The following ACSL6 variants were observed in gnomAD, a reference collection of about 807,000 sequenced individuals.
The protein encoded by ACSL6 is acyl-CoA synthetase long chain family member 6, also known as long-chain-fatty-acid--CoA ligase 6.
A neutral mutation model predicts 98.2 loss-of-function variants in ACSL6; 47 were observed. That is an observed-to-expected ratio of 0.48 (90% confidence interval 0.38 to 0.61). The LOEUF (loss-of-function observed/expected upper bound fraction) is 0.61. Ranked by LOEUF, ACSL6 falls within the 20% of genes least tolerant of loss-of-function variation. ACSL6 has a pLI of 0.00. For missense variants in ACSL6, 761 were observed against 913.4 expected, an observed-to-expected ratio of 0.83 and a Z score of 2.15; for synonymous variants, 362 against 336.9, an observed-to-expected ratio of 1.07 and a Z score of -0.82.
chr5:131,959,296 G>T (rs565257395), intron 20 of ACSL6, among the ~76,000 whole-genome samples: 8 of 152,342 alleles, frequency 5.3e-5, no homozygotes, highest in South Asian at 4.1e-4. Flanking sequence ...GACAGCTAGG[G>T]TATTATTTCA....
At chr5:131,975,342 G>A (rs931443948) in intron 10 of ACSL6, 20 of 985,306 alleles carry the variant, frequency 2.0e-5, no homozygotes, top group Non-Finnish European at 2.4e-5. Context: ...CCCCTCACTT[G>A]CAGTCAGTCG....
intron 9 of ACSL6, among the ~76,000 whole-genome samples, chr5:131,978,032 G>A (rs1753709724): frequency 6.6e-6 from 1 of 152,224 alleles, no homozygotes; most frequent in Non-Finnish European, 1.5e-5. Flanking sequence ...GTGCCTGATT[G>A]TGCTCCCTGC....
Position 132,005,647 on chromosome 5 carries a change from T to A in ACSL6, c.49+5858A>T, listed in dbSNP as rs527991856. On this transcript the variant is annotated intron_variant, in intron 1 of 20. Coordinates refer to ENST00000651883, the MANE Select transcript of ACSL6 (RefSeq NM_001009185.3). ...GATCTGCAGTCAGTATCTAGAATGG[T>A]CTGCAGCAAAGCTAAGGCTGGGACA... Among the ~76,000 whole-genome samples the A allele has an allele frequency of 3.3e-4, 51 of 152,342 alleles. No homozygotes were observed. In the South Asian group the frequency reaches 9.5e-3, roughly 28 times the overall value.
At chr5:131,961,110 G>A (rs1050903749) in intron 18 of ACSL6, among the ~76,000 whole-genome samples, 8 of 151,944 alleles carry the variant, frequency 5.3e-5, no homozygotes, top group Admixed American at 6.6e-5. Flanking sequence ...CTGCAGCCTC[G>A]ACCTCCTGAG....
chr5:131,988,942 G>A (rs1754353023), intron 5 of ACSL6, 38 bp from the exon 6 acceptor site: 2 of 1,577,956 alleles, frequency 1.3e-6, no homozygotes, highest in African/African-American at 1.3e-5. Context: ...GGAAGAAGGG[G>A]AGATTAGAGG....
Position 131,989,503 on chromosome 5 carries a change from G to A in ACSL6, c.456C>T (p.Ala152=), listed in dbSNP as rs143653785. 311 of 1,612,452 alleles carry A rather than the reference G, an allele frequency of 1.9e-4. No individual in the cohort carries two copies. In the African/African-American group the frequency reaches 3.1e-3, roughly 16 times the overall value. The change falls in exon 5 of 21, where the codon GCC becomes GCT. Residue 152 remains alanine (A), a synonymous_variant. Coordinates refer to ENST00000651883, the MANE Select transcript of ACSL6 (RefSeq NM_001009185.3). ...PYQWLSYQEV[A]DRAEFLGSGL... ...CGGACCCCAGAAATTCAGCCCTGTC[G>A]GCCACCTGCACACAGATGTGGGGAA...
In ACSL6 at chr5:131,967,956, C is replaced by T; in HGVS notation, c.1580G>A (p.Cys527Tyr). 1 of 1,613,884 alleles carries T rather than the reference C, an allele frequency of 6.2e-7. No homozygotes were observed. Among genetic ancestry groups the T allele is most frequent in the Non-Finnish European group, 8.5e-7 (1 of 1,179,826 alleles). The change falls in exon 16 of 21, where the codon TGC becomes TAC. Residue 527 changes from cysteine (C) to tyrosine (Y), a missense_variant. Cys to Tyr is a radical substitution (Grantham distance 194, BLOSUM62 -2). Transcript: ENST00000651883. ...VDVEELNYWA[C>Y]KGEGEICVRG... ...CTTGTTTACCTCTCCCTCTCCTTTG[C>T]AGGCCCAGTAGTTCAGTTCCTCAAC...
At chr5:132,011,742 G>A, upstream of ACSL6, 1 of 1,299,520 alleles carries the variant, frequency 7.7e-7, no homozygotes, top group Non-Finnish European at 9.8e-7. This position sits in a 1 kb window ranked among gnomAD's most constrained non-coding sequence, Gnocchi z 5.4. Flanking sequence ...GGGGGAGGGC[G>A]CGGCGCGCAC....
chr5:131,952,830 G>A lies in ACSL6; in HGVS notation c.*1404C>T, dbSNP rs1024427347. ...ATTAGGCAGTATTTCTTTGTCTATG[G>A]ACTTAAAAAGTTTTCTTGGGGCATT... On this transcript the variant is annotated 3_prime_UTR_variant, in exon 21 of 21. Transcript: ENST00000651883. The A allele has an allele frequency of 4.6e-6, 1 of 218,096 alleles. No homozygotes were observed. Among genetic ancestry groups the A allele is most frequent in the African/African-American group, 2.2e-5 (1 of 44,480 alleles). 13.5% of individuals were successfully genotyped at this position (218,096 alleles called of 1,614,324 possible).
chr5:131,998,876 G>A (rs1242575662), intron 1 of ACSL6, among the ~76,000 whole-genome samples: 1 of 152,140 alleles, frequency 6.6e-6, no homozygotes, highest in Non-Finnish European at 1.5e-5. Flanking sequence ...CCAAACTAAT[G>A]CTCACACTGA....
intron 20 of ACSL6, among the ~76,000 whole-genome samples, chr5:131,957,799 C>T (rs1490598348): frequency 1.3e-5 from 2 of 152,216 alleles, no homozygotes; most frequent in African/African-American, 4.8e-5. Context: ...ACACCCTCCT[C>T]AGGCATGAGG....
At chr5:131,990,688 T>G (rs1302014977) in intron 3 of ACSL6, among the ~76,000 whole-genome samples, 165 bp downstream of exon 3, 1 of 152,178 alleles carries the variant, frequency 6.6e-6, no homozygotes, top group African/African-American at 2.4e-5. Flanking sequence ...ATAATGCAGC[T>G]GCTTCTCTGA....
intron 10 of ACSL6, chr5:131,975,641 G>A: frequency 2.0e-6 from 2 of 985,260 alleles, no homozygotes; most frequent in South Asian, 4.7e-5. Flanking sequence ...ATGCTGACAG[G>A]GAGCCCTGCT....
rs746404483 is a variant in ACSL6 at position 131,985,469 on chromosome 5, G to A, written c.865-11C>T. ...ATCAGGCTGCGGGGGCTGCAGGGGTGAGAAGAGGAGTGTGTTAGGGAGACC... is the reference window on the plus strand; with the variant it reads ...ATCAGGCTGCGGGGGCTGCAGGGGTAAGAAGAGGAGTGTGTTAGGGAGACC... On this transcript the variant is annotated splice_polypyrimidine_tract_variant and intron_variant, in intron 8 of 20. Coordinates refer to ENST00000651883, the MANE Select transcript of ACSL6 (RefSeq NM_001009185.3). 6.2e-7 allele frequency: 1 copy of A among 1,613,682 alleles called. No homozygotes were observed. The highest frequency in any genetic ancestry group is 8.5e-7 in the Non-Finnish European group (1 of 1,179,958).
chr5:131,986,222 T>G (rs1754169314), intron 8 of ACSL6, among the ~76,000 whole-genome samples: 1 of 152,174 alleles, frequency 6.6e-6, no homozygotes, highest in African/African-American at 2.4e-5. Flanking sequence ...GAGCTACCCA[T>G]GCAGTGCCCT....
rs925321087 is a variant in ACSL6, at chr5:131,953,474, G to A, written c.*760C>T. 6 of 189,626 alleles carry A rather than the reference G, an allele frequency of 3.2e-5. No homozygotes were observed. Among genetic ancestry groups the A allele is most frequent in the Non-Finnish European group, 6.6e-5 (6 of 90,334 alleles). The allele number at this position is 189,626 out of a possible 1,614,324, so 11.7% of individuals were successfully genotyped here. A position where few individuals can be genotyped will look rare whatever the true frequency, so the allele number is the denominator to read the frequency against. The stretch of plus-strand genomic sequence containing the variant: ...CTATTAGCCAGGTGTGGTGGCATGT[G>A]CCTGTACTGTAGTCTCAGCTACTTG... On this transcript the variant is annotated 3_prime_UTR_variant, in exon 21 of 21. Transcript: ENST00000651883.
intron 4 of ACSL6, 51 bp downstream of exon 4, chr5:131,990,049 G>A: frequency 3.1e-6 from 5 of 1,594,476 alleles, no homozygotes; most frequent in Non-Finnish European, 3.4e-6. Context: ...CCTGCCCTGA[G>A]TGCCAGATCT....
intron 19 of ACSL6, 97 bp from the exon 20 acceptor site, chr5:131,959,704 T>C (rs1752598023): frequency 9.0e-7 from 1 of 1,117,274 alleles, no homozygotes; most frequent in Admixed American, 1.8e-5. Flanking sequence ...AACTGATGAT[T>C]GTGCCAACAT....
intron 17 of ACSL6, among the ~76,000 whole-genome samples, chr5:131,963,785 GAA>G (rs1752865493): frequency 6.6e-6 from 1 of 152,130 alleles, no homozygotes; most frequent in Admixed American, 6.6e-5. Context: ...CTCCAAAAGA[GAA>G]AAATGAGCAG....
Sources: gnomAD v4.1 joint callset for allele counts (sites outside exome capture counted in the v4.1 genomes callset) on GRCh38, gnomAD v4.1.1 for gene constraint, Gnocchi (gnomAD v3.1) non-coding constraint, MANE v1.5 for transcripts, NCBI Gene and HGNC (gene_info 2026-07-23, HGNC 2026-07-21) for gene names.